The following CFAP58 variants were observed in gnomAD, a reference collection of about 807,000 sequenced individuals.
The protein encoded by CFAP58 is cilia- and flagella-associated protein 58.
In CFAP58, 88 loss-of-function variants were observed where a neutral mutation model predicts 119.5. That is an observed-to-expected ratio of 0.74 (90% confidence interval 0.62 to 0.88). The LOEUF (loss-of-function observed/expected upper bound fraction) is 0.88, where lower values mean the gene tolerates loss of function less well. Ranked by LOEUF, CFAP58 falls within the 40% of genes least tolerant of loss-of-function variation. The pLI, the probability that CFAP58 is intolerant of heterozygous loss-of-function variation, is 0.00. For synonymous variants in CFAP58, 365 were observed against 366.3 expected (o/e 1.00, Z 0.04); for missense variants, 990 against 1,021.2 (o/e 0.97, Z 0.42).
intron 15 of CFAP58, among the ~76,000 whole-genome samples, chr10:104,407,305 C>A (rs2012380849): frequency 6.6e-6 from 1 of 152,174 alleles, no homozygotes; most frequent in Non-Finnish European, 1.5e-5. Flanking sequence ...TCACCATCTT[C>A]CTCACTGCCA....
intron 9 of CFAP58, among the ~76,000 whole-genome samples, chr10:104,387,639 G>A (rs1309970300): frequency 6.6e-6 from 1 of 152,124 alleles, no homozygotes; most frequent in African/African-American, 2.4e-5. Flanking sequence ...TAAATTGAGA[G>A]GCATGAGAAA....
In CFAP58 at chr10:104,438,723, C is replaced by A. The variant is rs147250527; in HGVS notation, c.2257-8975C>A. Among the ~76,000 whole-genome samples, 30 of 152,268 alleles carry A rather than the reference C, an allele frequency of 2.0e-4. No homozygotes were observed. The South Asian group carries it at 6.2e-3, about 32-fold the overall frequency. On this transcript the variant is annotated intron_variant, in intron 15 of 17. Transcript: ENST00000369704. Reference sequence around the variant, plus strand: ...CACTTTGGAAAATAATTTTCTATTACCTTAAAAAGTTGAATGTTCATATAG... The same window carrying A: ...CACTTTGGAAAATAATTTTCTATTAACTTAAAAAGTTGAATGTTCATATAG...
rs755535572 is a variant in CFAP58, at chr10:104,399,335, GC to G, written c.1675-23del. On this transcript the variant is annotated intron_variant, in intron 11 of 17. Coordinates refer to ENST00000369704, the MANE Select transcript of CFAP58 (RefSeq NM_001008723.2). Reference sequence around the variant, plus strand: ...TTTGTGCTGTAACGAATTGAAATTTGCCTGTATCTTCCACTCTTTGTCAGGC... The same window carrying G: ...TTTGTGCTGTAACGAATTGAAATTTGCTGTATCTTCCACTCTTTGTCAGGC... 3 of 1,611,374 alleles carry G rather than the reference GC, an allele frequency of 1.9e-6. No homozygotes were observed. In the African/African-American group the frequency reaches 4.0e-5, roughly 22 times the overall value.
At chr10:104,390,477 A>G (rs1294811471) in intron 9 of CFAP58, among the ~76,000 whole-genome samples, 1 of 152,224 alleles carries the variant, frequency 6.6e-6, no homozygotes, top group Non-Finnish European at 1.5e-5. Context: ...AACTTTGTAA[A>G]TATTACTTAT....
Position 104,439,272 on chromosome 10 carries a change from A to G in CFAP58, c.2257-8426A>G, listed in dbSNP as rs915542299. Among the ~76,000 whole-genome samples, 4 of 152,190 alleles carry G rather than the reference A, an allele frequency of 2.6e-5. No homozygotes were observed. In the East Asian group the frequency reaches 7.7e-4, roughly 29 times the overall value. ...ATTTATTATCATGCTTTATAGCTAT[A>G]TATGCTATGTATTTTCTTTTGTATG... On this transcript the variant is annotated intron_variant, in intron 15 of 17. Coordinates refer to ENST00000369704, the MANE Select transcript of CFAP58 (RefSeq NM_001008723.2).
intron 15 of CFAP58, 96 bp from the exon 16 acceptor site, chr10:104,447,602 G>C: frequency 6.8e-7 from 1 of 1,462,258 alleles, no homozygotes; most frequent in Non-Finnish European, 9.4e-7. Context: ...GAAGTAGCTT[G>C]GGCCACTCCC....
intron 9 of CFAP58, among the ~76,000 whole-genome samples, chr10:104,390,158 C>A (rs78306452): frequency 6.6e-6 from 1 of 152,186 alleles, no homozygotes; most frequent in East Asian, 1.9e-4. Context: ...TGCACAAGTG[C>A]ATGAGAATAC....
At chr10:104,410,930 T>G (rs2012450562) in intron 15 of CFAP58, among the ~76,000 whole-genome samples, 2 of 152,042 alleles carry the variant, frequency 1.3e-5, no homozygotes, top group Admixed American at 6.6e-5. Context: ...TATCTCTATT[T>G]ATTTATTTAT....
At chr10:104,426,312 A>G (rs531225962) in intron 15 of CFAP58, among the ~76,000 whole-genome samples, 12 of 152,238 alleles carry the variant, frequency 7.9e-5, no homozygotes, top group African/African-American at 2.9e-4. Context: ...AAGGGAGGAG[A>G]GTCAAAGGTG....
At chr10:104,364,328 C>T (rs2014711376) in intron 3 of CFAP58, among the ~76,000 whole-genome samples, 1 of 151,716 alleles carries the variant, frequency 6.6e-6, no homozygotes, top group Admixed American at 6.6e-5. Context: ...TCAAGTAATA[C>T]AGAGGTGTGG....
At chr10:104,433,229 G>A (rs551738648) in intron 15 of CFAP58, among the ~76,000 whole-genome samples, 16 of 152,306 alleles carry the variant, frequency 1.1e-4, no homozygotes, top group Non-Finnish European at 1.9e-4. Flanking sequence ...GAGTAGCTAC[G>A]ATTGTAGGCA....
At chr10:104,447,607 A>G in intron 15 of CFAP58, 91 bp from the exon 16 acceptor site, 2 of 1,507,696 alleles carry the variant, frequency 1.3e-6, no homozygotes, top group Non-Finnish European at 1.8e-6. Flanking sequence ...AGCTTGGGCC[A>G]CTCCCAAATT....
rs747785489 is a variant in CFAP58 at position 104,376,877 on chromosome 10, G to C, written c.1157G>C (p.Arg386Thr). ...RKAMDELLRE[R>T]DILNKNMLKA... is the part of the protein sequence containing the mutation. ...GCAATGGACGAGCTTCTAAGAGAAA[G>C]GGACATACTAAATAAGGTGAGTGTG... The change falls in exon 8 of 18, where the codon AGG (arginine) becomes ACG (threonine). Residue 386 changes from arginine (R) to threonine (T), a missense_variant. Transcript: ENST00000369704. 14 of 1,612,992 alleles carry C rather than the reference G, an allele frequency of 8.7e-6. No homozygotes were observed. Among genetic ancestry groups the C allele is most frequent in the Non-Finnish European group, 1.2e-5 (14 of 1,179,222 alleles).
At chr10:104,366,603 A>G (rs1044116263) in intron 5 of CFAP58, among the ~76,000 whole-genome samples, 5 of 152,230 alleles carry the variant, frequency 3.3e-5, no homozygotes, top group African/African-American at 1.2e-4. Flanking sequence ...CTTAGCAACA[A>G]GTGGCTATTT....
rs143588185 is a variant in CFAP58, at chr10:104,365,930, A to G, written c.714A>G (p.Glu238=). The G allele has an allele frequency of 1.7e-4, 282 of 1,613,526 alleles. No individual in the cohort carries two copies. The highest frequency in any genetic ancestry group is 4.7e-4 in the South Asian group (43 of 91,064). ...CAGACATGGACAGCAGGCAGACAGAAATAAAAGCCCTGCAGCAGTATGTGC... is the reference window on the plus strand; with the variant it reads ...CAGACATGGACAGCAGGCAGACAGAGATAAAAGCCCTGCAGCAGTATGTGC... The part of the protein sequence containing the change: ...IQADMDSRQT[E]IKALQQYVQK... The change falls in exon 5 of 18, where the codon GAA becomes GAG. Residue 238 remains glutamate, a synonymous_variant. Coordinates refer to ENST00000369704, the MANE Select transcript of CFAP58 (RefSeq NM_001008723.2).
intron 17 of CFAP58, among the ~76,000 whole-genome samples, chr10:104,451,796 C>T (rs2013198832): frequency 6.6e-6 from 1 of 152,182 alleles, no homozygotes; most frequent in Non-Finnish European, 1.5e-5. Flanking sequence ...AGTGCAGTGG[C>T]ACCATCTTGG....
Position 104,371,098 on chromosome 10 carries a change from G to A in CFAP58, c.1090+44G>A, listed in dbSNP as rs374595793. On this transcript the variant is annotated intron_variant, in intron 7 of 17. Transcript: ENST00000369704. ...TTATTCATTTAGAAACATTTTATTG[G>A]TGACTGATGTTATCTTGTAACCCAG... is the stretch of plus-strand genomic sequence containing the variant. 3 of 1,550,032 alleles carry A rather than the reference G, an allele frequency of 1.9e-6. No individual in the cohort carries two copies. In the African/African-American group the frequency reaches 4.2e-5, roughly 21 times the overall value.
intron 15 of CFAP58, among the ~76,000 whole-genome samples, chr10:104,447,264 T>TG (rs1292393966): frequency 6.6e-6 from 1 of 152,050 alleles, no homozygotes; most frequent in Non-Finnish European, 1.5e-5. Flanking sequence ...GCGACCCTCC[T>TG]GCCTCAGCCT....
Position 104,380,186 on chromosome 10 carries a change from G to C in CFAP58, c.1331G>C (p.Arg444Pro). Residue 444 changes from arginine to proline, a missense_variant, in exon 9 of 18, where the codon CGG becomes CCG. Transcript: ENST00000369704. ...TTTCATCTGGAAAAGGAGCGTGACC[G>C]GTACATCAACCAAGCCAGTGACCTT... ...IIFHLEKERD[R>P]YINQASDLTQ... 4.3e-6 allele frequency: 7 copies of C among 1,613,978 alleles called. No homozygotes were observed. Among genetic ancestry groups the C allele is most frequent in the Non-Finnish European group, 5.9e-6 (7 of 1,179,940 alleles).
Sources: gnomAD v4.1 joint callset for allele counts (sites outside exome capture counted in the v4.1 genomes callset) on GRCh38, gnomAD v4.1.1 for gene constraint, MANE v1.5 for transcripts, NCBI Gene and HGNC (gene_info 2026-07-23, HGNC 2026-07-21) for gene names.